The following TJP2 variants were observed in gnomAD, a reference collection of about 807,000 sequenced individuals.
TJP2 encodes tight junction protein 2, also known as Friedreich ataxia region gene X104 (tight junction protein ZO-2).
TJP2 carries 91 observed loss-of-function variants against 133.1 expected under a neutral mutation model. The ratio of observed to expected loss-of-function variants is 0.68; its 90% CI spans 0.58 to 0.81. TJP2 has a LOEUF of 0.81. TJP2 is among the 40% of genes least tolerant of loss of function. The pLI is 0.00. For synonymous variants in TJP2, 592 were observed against 583.4 expected (o/e 1.01, Z -0.21); for missense variants, 1,541 against 1,565.6 (o/e 0.98, Z 0.26).
intron 2 of TJP2, among the ~76,000 whole-genome samples, chr9:69,166,314 G>A (rs1439872821): frequency 6.6e-6 from 1 of 152,082 alleles, no homozygotes; most frequent in African/African-American, 2.4e-5. Flanking sequence ...GTTGCCCAAG[G>A]CTGGTCTTGA....
chr9:69,142,292 ACT>A (rs1442495935), intron 1 of TJP2, among the ~76,000 whole-genome samples: 1 of 152,122 alleles, frequency 6.6e-6, no homozygotes, highest in Admixed American at 6.6e-5. Context: ...AGGATGAATG[ACT>A]CTGAGGAGAG....
At chr9:69,213,600 A>T (rs981952813) in intron 2 of TJP2, among the ~76,000 whole-genome samples, 5 of 152,250 alleles carry the variant, frequency 3.3e-5, no homozygotes, top group African/African-American at 9.6e-5. Context: ...GAATTAATCC[A>T]GGTAGAAAAA....
At chr9:69,163,039 T>C (rs1196916699) in intron 2 of TJP2, among the ~76,000 whole-genome samples, 1 of 99,134 alleles carries the variant, frequency 1.0e-5, no homozygotes, top group Non-Finnish European at 2.1e-5. Context: ...TATTTTTTTT[T>C]TTTTGAGACG....
At position 69,249,801 on chromosome 9, in the gene TJP2, C is replaced by T. The variant is rs1438124615; in HGVS notation, c.2991+316C>T. The T allele has an allele frequency of 5.2e-6, 5 of 966,932 alleles. No individual in the cohort carries two copies. In the African/African-American group the frequency reaches 8.8e-5, roughly 17 times the overall value. 59.9% of individuals were successfully genotyped at this position (966,932 alleles called of 1,614,324 possible). A position where few individuals can be genotyped will look rare whatever the true frequency, so the allele number is the denominator to read the frequency against. On this transcript the variant is annotated intron_variant, in intron 20 of 22. Transcript: ENST00000377245. ...ATACTGTACTGTATACCCAGAATCACCAATCGCAGAACGTGTTTTTCTTTT... is the reference window on the plus strand; with the variant it reads ...ATACTGTACTGTATACCCAGAATCATCAATCGCAGAACGTGTTTTTCTTTT...
intron 20 of TJP2, among the ~76,000 whole-genome samples, chr9:69,250,468 T>A (rs1221913230): frequency 6.6e-6 from 1 of 152,078 alleles, no homozygotes; most frequent in Non-Finnish European, 1.5e-5. Context: ...AAGTAGTAAA[T>A]GTGATAGGTA....
chr9:69,213,408 G>T (rs1357165692), intron 2 of TJP2, among the ~76,000 whole-genome samples: 1 of 152,078 alleles, frequency 6.6e-6, no homozygotes, highest in Non-Finnish European at 1.5e-5. Context: ...CATCATCACT[G>T]TGATTTTCCT....
At chr9:69,147,188 A>G (rs992646216) in intron 1 of TJP2, among the ~76,000 whole-genome samples, 3 of 152,196 alleles carry the variant, frequency 2.0e-5, no homozygotes, top group African/African-American at 7.2e-5. Flanking sequence ...GTGATTGGGC[A>G]TGCGGTAGCC....
At chr9:69,128,708 A>G (rs1451726288) in intron 1 of TJP2, among the ~76,000 whole-genome samples, 1 of 151,992 alleles carries the variant, frequency 6.6e-6, no homozygotes, top group Non-Finnish European at 1.5e-5. Flanking sequence ...GTTATTTTTC[A>G]GTAGAGACGG....
upstream of TJP2, among the ~76,000 whole-genome samples, chr9:69,173,847 C>G (rs1030195219): frequency 2.0e-5 from 3 of 152,198 alleles, no homozygotes; most frequent in Non-Finnish European, 4.4e-5. Context: ...CAGCAGCGCC[C>G]GGAGCTCACT....
Position 69,123,475 on chromosome 9 carries a change from AATT to A in TJP2, c.-131+1759_-131+1761del, listed in dbSNP as rs1316170518. Among the ~76,000 whole-genome samples, 6 of 76,414 alleles carry A rather than the reference AATT, an allele frequency of 7.9e-5. 3 individuals are homozygous for A. Among genetic ancestry groups the A allele is most frequent in the Non-Finnish European group, 1.8e-4 (6 of 33,310 alleles). 50.1% of individuals were successfully genotyped at this position (76,414 alleles called of 152,430 possible). A position where few individuals can be genotyped will look rare whatever the true frequency, so the allele number is the denominator to read the frequency against. On this transcript the variant is annotated intron_variant, in intron 1 of 5. Coordinates refer to the TJP2 transcript ENST00000423935. ...AGCCTCTGGGCTTCTGGATACTTTT[AATT>A]ATTATTATATTTTTTGGAGGGAACA...
chr9:69,248,756 A>G, intron 19 of TJP2: 1 of 995,556 alleles, frequency 1.0e-6, no homozygotes, highest in Non-Finnish European at 1.2e-6. Flanking sequence ...ATCCACTGTG[A>G]TTAGATAGCT....
At chr9:69,146,990 G>A (rs1823240460) in intron 1 of TJP2, among the ~76,000 whole-genome samples, 1 of 152,092 alleles carries the variant, frequency 6.6e-6, no homozygotes, top group African/African-American at 2.4e-5. Flanking sequence ...GAATTCTGAG[G>A]CAACATTTTA....
At chr9:69,176,648 C>T (rs1356154138) in intron 1 of TJP2, among the ~76,000 whole-genome samples, 2 of 152,134 alleles carry the variant, frequency 1.3e-5, no homozygotes, top group East Asian at 1.9e-4. Flanking sequence ...TTTACATCAC[C>T]CCCGGGGGAA....
intron 22 of TJP2, chr9:69,253,746 C>T (rs1229575167): frequency 2.1e-5 from 6 of 287,012 alleles, no homozygotes; most frequent in Non-Finnish European, 3.4e-5. Flanking sequence ...TACCCAGCCT[C>T]TTGTGGCCAT....
At chr9:69,168,408 A>G (rs570823465) in intron 2 of TJP2, among the ~76,000 whole-genome samples, 4 of 152,306 alleles carry the variant, frequency 2.6e-5, no homozygotes, top group Middle Eastern at 3.4e-3. Context: ...AACTGAAAAC[A>G]GTGTCGAAGC....
In TJP2 at chr9:69,254,840, A is replaced by T. The variant is rs1410512811; in HGVS notation, c.*466A>T. The T allele has an allele frequency of 9.0e-6, 4 of 445,458 alleles. No individual in the cohort carries two copies. Among genetic ancestry groups the T allele is most frequent in the Non-Finnish European group, 1.6e-5 (4 of 254,236 alleles). 27.6% of individuals were successfully genotyped at this position (445,458 alleles called of 1,614,324 possible). ...GCAACTCTTTTAAGTGCCTTGGATG[A>T]GAAGTGTCTTAAATTTTCTTCCTTT... On this transcript the variant is annotated 3_prime_UTR_variant, in exon 23 of 23. Coordinates refer to ENST00000377245, the MANE Select transcript of TJP2 (RefSeq NM_004817.4).
intron 2 of TJP2, among the ~76,000 whole-genome samples, chr9:69,155,376 G>A (rs1823701654): frequency 6.6e-6 from 1 of 152,216 alleles, no homozygotes; most frequent in African/African-American, 2.4e-5. Flanking sequence ...GGAATTCTCA[G>A]GGAAATCACT....
intron 2 of TJP2, among the ~76,000 whole-genome samples, chr9:69,167,391 T>C (rs1408380738): frequency 2.6e-5 from 4 of 152,258 alleles, no homozygotes; most frequent in Non-Finnish European, 4.4e-5. Flanking sequence ...TATTAGGACT[T>C]TAGTTTTTAA....
intron 1 of TJP2, among the ~76,000 whole-genome samples, chr9:69,176,288 G>A (rs1825081321): frequency 6.6e-6 from 1 of 152,182 alleles, no homozygotes; most frequent in Non-Finnish European, 1.5e-5. Context: ...ATGACAGAGA[G>A]TACAAGGCAT....
Sources: gnomAD v4.1 joint callset for allele counts (sites outside exome capture counted in the v4.1 genomes callset) on GRCh38, gnomAD v4.1.1 for gene constraint, MANE v1.5 for transcripts, NCBI Gene and HGNC (gene_info 2026-07-23, HGNC 2026-07-21) for gene names.